Variants in PSME4 observed in about 807,000 individuals in gnomAD.
The protein encoded by PSME4 is proteasome activator complex subunit 4.
A neutral mutation model predicts 253.9 loss-of-function variants in PSME4; 89 were observed. That is an observed-to-expected ratio of 0.35 (90% CI 0.30 to 0.42). The LOEUF (loss-of-function observed/expected upper bound fraction) is 0.42. Among genes scored for constraint, PSME4 ranks in the 10% least tolerant of loss-of-function variants. PSME4 has a pLI of 1.00. For missense variants in PSME4, 2,014 were observed against 2,195.2 expected, an observed-to-expected ratio of 0.92 and a Z score of 1.65; for synonymous variants, 851 against 759.2, an observed-to-expected ratio of 1.12 and a Z score of -1.99.
Position 53,928,311 on chromosome 2 carries a change from T to A in PSME4, c.1317-8A>T. On this transcript the variant is annotated splice_region_variant and splice_polypyrimidine_tract_variant and intron_variant, in intron 10 of 46. Transcript: ENST00000404125. ...TCTAATGCAGGATATGTTCTACAGT[T>A]TGAAAACAGAATTTTTAAAGTCTCC... The A allele has an allele frequency of 6.2e-7, 1 of 1,610,050 alleles. No individual in the cohort carries two copies. The highest frequency in any genetic ancestry group is 8.5e-7 in the Non-Finnish European group (1 of 1,176,704).
chr2:53,950,320 T>C (rs906519408), intron 1 of PSME4, among the ~76,000 whole-genome samples: 6 of 151,894 alleles, frequency 4.0e-5, no homozygotes, highest in African/African-American at 1.5e-4. Flanking sequence ...AATAAGTATC[T>C]TATGGTAACT....
chr2:53,885,442 T>C (rs577904456), intron 41 of PSME4, among the ~76,000 whole-genome samples: 3 of 152,358 alleles, frequency 2.0e-5, no homozygotes, highest in Non-Finnish European at 4.4e-5. Context: ...AGAAATTAGC[T>C]ACCAGGTAAA....
chr2:53,969,687 G>GTTTTT (rs61560289), intron 1 of PSME4, among the ~76,000 whole-genome samples: 1 of 138,956 alleles, frequency 7.2e-6, no homozygotes, highest in Non-Finnish European at 1.5e-5. Context: ...ATTTTCACTC[G>GTTTTT]TTTTTTTTTT....
intron 27 of PSME4, among the ~76,000 whole-genome samples, chr2:53,901,879 C>A (rs1680415161): frequency 6.6e-6 from 1 of 152,048 alleles, no homozygotes; most frequent in African/African-American, 2.4e-5. Context: ...AGAGCCTGGG[C>A]AACATGGTGA....
chr2:53,949,450 T>TC (rs1573359967), intron 1 of PSME4, among the ~76,000 whole-genome samples, 167 bp from the exon 2 acceptor site: 1 of 85,122 alleles, frequency 1.2e-5, no homozygotes, highest in Non-Finnish European at 2.8e-5. Flanking sequence ...ATTATTGTCT[T>TC]TTTTTTTTTT....
chr2:53,888,260 A>G lies in PSME4; in HGVS notation c.4389-271T>C, dbSNP rs75328497. 1,866 of 279,996 alleles carry G rather than the reference A, an allele frequency of 6.7e-3. 38 individuals carry two copies. Among genetic ancestry groups the G allele is most frequent in the African/African-American group, 0.038 (1,753 of 45,614 alleles). The allele number at this position is 279,996 out of a possible 1,614,324, so 17.3% of individuals were successfully genotyped here. On this transcript the variant is annotated intron_variant, in intron 38 of 46. Coordinates refer to ENST00000404125, the MANE Select transcript of PSME4 (RefSeq NM_014614.3). ...CACTGACTAATATTTAAACATCACA[A>G]TTCAAGTTTTCTCATTAATTAAGTG...
At chr2:53,903,670 G>A (rs115723951) in intron 27 of PSME4, among the ~76,000 whole-genome samples, 2,013 of 152,110 alleles carry the variant, frequency 0.013, 52 homozygotes, top group African/African-American at 0.046. Flanking sequence ...TGCCAGCCAG[G>A]CTACTTGGCC....
chr2:53,887,164 C>T, intron 40 of PSME4, 95 bp downstream of exon 40: 1 of 1,127,996 alleles, frequency 8.9e-7, no homozygotes. Context: ...TTCATTATGT[C>T]TATTTTACCA....
chr2:53,880,342 T>A (rs550314745), intron 41 of PSME4, among the ~76,000 whole-genome samples: 37 of 152,090 alleles, frequency 2.4e-4, no homozygotes, highest in African/African-American at 8.7e-4. Flanking sequence ...CGAAGGTACT[T>A]CCAGCTACAC....
intron 1 of PSME4, among the ~76,000 whole-genome samples, chr2:53,956,461 C>T (rs368216958): frequency 5.9e-5 from 9 of 151,576 alleles, no homozygotes; most frequent in Non-Finnish European, 8.8e-5. Context: ...ACCCGGGAGG[C>T]GGAGGTTGTA....
At chr2:53,915,309 C>T (rs1668007371) in intron 20 of PSME4, among the ~76,000 whole-genome samples, 1 of 152,092 alleles carries the variant, frequency 6.6e-6, no homozygotes, top group Non-Finnish European at 1.5e-5. Context: ...GGCATGGTGA[C>T]CCACGCCTAT....
intron 4 of PSME4, among the ~76,000 whole-genome samples, chr2:53,938,106 C>T (rs1252524626): frequency 2.0e-5 from 3 of 152,034 alleles, no homozygotes; most frequent in South Asian, 4.1e-4. Flanking sequence ...ATACAAGTCA[C>T]TCAGTTACCT....
rs762418598 is a variant in PSME4 at position 53,948,432 on chromosome 2, A to G, written c.489T>C (p.Asn163=). The G allele has an allele frequency of 1.2e-6, 2 of 1,607,950 alleles. No homozygotes were observed. The highest frequency in any genetic ancestry group is 3.3e-5 in the Admixed American group (2 of 59,950). ...ATGGAAATACTTACTTAGGAAACCA[A>G]TTTAATCCTAGGTGCTCTGTCTTGG... The part of the protein sequence containing the change: ...LYSKTEHLGL[N]WFPNSVENIL... Residue 163 remains asparagine (N), a synonymous_variant, in exon 3 of 47, where the codon AAT becomes AAC. Coordinates refer to ENST00000404125, the MANE Select transcript of PSME4 (RefSeq NM_014614.3).
In PSME4 at chr2:53,865,010, C is replaced by T. The variant is rs1391584444; in HGVS notation, c.*568G>A. On this transcript the variant is annotated 3_prime_UTR_variant, in exon 47 of 47. Coordinates refer to ENST00000404125, the MANE Select transcript of PSME4 (RefSeq NM_014614.3). ...TCTGTGGGAAGTGCACAGACACAGA[C>T]TTCACTTCTGTGTCTTGGTCGAGCA... is the stretch of plus-strand genomic sequence containing the variant. The T allele has an allele frequency of 1.3e-5, 2 of 152,738 alleles. No homozygotes were observed. Among genetic ancestry groups the T allele is most frequent in the East Asian group, 3.9e-4 (2 of 5,180 alleles). 9.5% of individuals were successfully genotyped at this position (152,738 alleles called of 1,614,324 possible).
Position 53,945,781 on chromosome 2 carries a change from T to G in PSME4, c.500+2640A>C, listed in dbSNP as rs549854191. On this transcript the variant is annotated intron_variant, in intron 3 of 46. Transcript: ENST00000404125. Reference sequence around the variant, plus strand: ...GCATTCTAAAAATAGTATGAACACATGTAGTCAGCTGACAAAACTGTTTCA... The same window carrying G: ...GCATTCTAAAAATAGTATGAACACAGGTAGTCAGCTGACAAAACTGTTTCA... Among the ~76,000 whole-genome samples the G allele has an allele frequency of 9.3e-4, 142 of 152,320 alleles. 1 individual carries two copies. The highest frequency in any genetic ancestry group is 3.1e-3 in the African/African-American group (130 of 41,576).
Position 53,922,502 on chromosome 2 carries a change from A to G in PSME4, c.2046+15T>C. On this transcript the variant is annotated intron_variant, in intron 17 of 46. Coordinates refer to ENST00000404125, the MANE Select transcript of PSME4 (RefSeq NM_014614.3). ...TTTTCACAGTCATGTTTCTTATTCC[A>G]AAGATTTACAATACCTCAGACAAAA... 6.2e-7 allele frequency: 1 copy of G among 1,610,634 alleles called. No individual in the cohort carries two copies. The highest frequency in any genetic ancestry group is 8.5e-7 in the Non-Finnish European group (1 of 1,178,538).
intron 4 of PSME4, 125 bp downstream of exon 4, chr2:53,939,831 C>T (rs987262403): frequency 5.5e-6 from 4 of 730,024 alleles, no homozygotes; most frequent in Non-Finnish European, 8.7e-6. Flanking sequence ...GTATGTTGTG[C>T]TCAGTGACTA....
intron 7 of PSME4, among the ~76,000 whole-genome samples, chr2:53,935,094 G>A (rs1467919148): frequency 6.6e-6 from 1 of 152,114 alleles, no homozygotes; most frequent in African/African-American, 2.4e-5. Context: ...TTTTTCCTGA[G>A]CTCCTATTCC....
At chr2:53,873,631 C>A (rs912708164) in intron 43 of PSME4, among the ~76,000 whole-genome samples, 2 of 152,116 alleles carry the variant, frequency 1.3e-5, no homozygotes, top group African/African-American at 4.8e-5. Context: ...ACAAAAGTTA[C>A]CTTTTTCTAC....
Sources: allele counts gnomAD v4.1 joint callset (sites outside exome capture counted in the v4.1 genomes callset), GRCh38; gene constraint gnomAD v4.1.1; transcripts MANE v1.5; gene names NCBI Gene and HGNC (gene_info 2026-07-23, HGNC 2026-07-21).